The following CCNO variants were observed in gnomAD, a reference collection of about 807,000 sequenced individuals.
CCNO encodes cyclin-O.
In CCNO, 24 loss-of-function variants were observed where a neutral mutation model predicts 23.9. The ratio of observed to expected loss-of-function variants is 1.00; its 90% CI spans 0.73 to 1.41. The LOEUF is 1.41. Ranked by LOEUF, CCNO falls within the 40% of genes most tolerant of loss-of-function variation. CCNO has a pLI of 0.00. For missense variants in CCNO, 542 were observed against 476.2 expected, an observed-to-expected ratio of 1.14 and a Z score of -1.29; for synonymous variants, 241 against 225.7, an observed-to-expected ratio of 1.07 and a Z score of -0.61.
rs201370811 is a variant in CCNO, at chr5:55,232,400, C to G, written c.528G>C (p.Gln176His). 6.2e-7 allele frequency: 1 copy of G among 1,613,980 alleles called. No homozygotes were observed. Among genetic ancestry groups the G allele is most frequent in the African/African-American group, 1.3e-5 (1 of 75,038 alleles). Residue 176 changes from glutamine to histidine, a missense_variant, in exon 2 of 3, where the codon CAG becomes CAC. Transcript: ENST00000282572. ...TGAGCAAGGAGGTGACCCCAAGCAG[C>G]TGGAAGCAGTCTGCAGCCACCGGCG... ...TTTPVAADCF[Q>H]LLGVTSLLIA...
In CCNO at chr5:55,231,189, A is replaced by G. The variant is rs1745560094; in HGVS notation, c.*186T>C. ...ACAACTGTTTATTGGTGAAAGACTCAGCTTCCTCATGTGCTCGCTGCAAAA... is the reference window on the plus strand; with the variant it reads ...ACAACTGTTTATTGGTGAAAGACTCGGCTTCCTCATGTGCTCGCTGCAAAA... On this transcript the variant is annotated 3_prime_UTR_variant, in exon 3 of 3. Coordinates refer to ENST00000282572, the MANE Select transcript of CCNO (RefSeq NM_021147.5). 1 of 643,748 alleles carries G rather than the reference A, an allele frequency of 1.6e-6. No individual in the cohort carries two copies. The highest frequency in any genetic ancestry group is 2.7e-6 in the Non-Finnish European group (1 of 371,032). 39.9% of individuals were successfully genotyped at this position (643,748 alleles called of 1,614,324 possible). A position where few individuals can be genotyped will look rare whatever the true frequency, so the allele number is the denominator to read the frequency against.
chr5:55,232,550 C>A lies in CCNO; in HGVS notation c.382-4G>T. 1 of 1,613,198 alleles carries A rather than the reference C, an allele frequency of 6.2e-7. No homozygotes were observed. The highest frequency in any genetic ancestry group is 8.5e-7 in the Non-Finnish European group (1 of 1,179,910). On this transcript the variant is annotated splice_polypyrimidine_tract_variant and splice_region_variant and intron_variant, in intron 1 of 2. Transcript: ENST00000282572. Reference sequence around the variant, plus strand: ...TACAGCGGGATTCCGCCGTCACCTGCCGGGAAGGAGGGGGGAGGCGGGCCC... The same window carrying A: ...TACAGCGGGATTCCGCCGTCACCTGACGGGAAGGAGGGGGGAGGCGGGCCC...
In CCNO at chr5:55,231,378, T is replaced by C. The variant is rs1356843677; in HGVS notation, c.1050A>G (p.Lys350=). Reference sequence around the variant, plus strand: ...AAAAGGAAACGAAGGATCTGTTTTATTTCGAGCTCGGGGGCAGGCTGCACT... The same window carrying C: ...AAAAGGAAACGAAGGATCTGTTTTACTTCGAGCTCGGGGGCAGGCTGCACT... The part of the protein sequence containing the change: ...CEKCSLPPSS[K] Residue 350 remains lysine, a synonymous_variant, in exon 3 of 3, where the codon AAA becomes AAG. Coordinates refer to ENST00000282572, the MANE Select transcript of CCNO (RefSeq NM_021147.5). 1.9e-6 allele frequency: 3 copies of C among 1,613,666 alleles called. No homozygotes were observed. The highest frequency in any genetic ancestry group is 3.3e-4 in the Middle Eastern group (2 of 6,062).
In CCNO at chr5:55,233,135, C is replaced by A. The variant is rs757379260; in HGVS notation, c.381+8G>T. 2 of 1,540,702 alleles carry A rather than the reference C, an allele frequency of 1.3e-6. No homozygotes were observed. The highest frequency in any genetic ancestry group is 1.2e-5 in the South Asian group (1 of 83,914). On this transcript the variant is annotated splice_region_variant and intron_variant, in intron 1 of 2. Transcript: ENST00000282572. ...GGCGGCGTGGAGCTGGCTCTACCAG[C>A]ACCTCACTTGTGGCTGCCGTGCCAG... is the stretch of plus-strand genomic sequence containing the variant.
At chr5:55,232,018 G>C (rs770266963) in intron 2 of CCNO, among the ~76,000 whole-genome samples, 158 bp from the exon 3 acceptor site, 29 of 151,928 alleles carry the variant, frequency 1.9e-4, no homozygotes, top group Non-Finnish European at 3.2e-4. Context: ...TACTTCCAGC[G>C]CAGTTGATCT....
chr5:55,232,691 G>A, intron 1 of CCNO, 145 bp from the exon 2 acceptor site: 2 of 773,388 alleles, frequency 2.6e-6, no homozygotes, highest in Middle Eastern at 3.7e-4. Context: ...TGGAAACTGG[G>A]AAACGCGTGG....
rs1413884536 is a variant in CCNO at position 55,231,501 on chromosome 5, C to T, written c.927G>A (p.Pro309=). ...CCATACAGTCCTCCAGCGCCGCCTC[C>T]GGGTGGTCTCCCAGTCGCAAGTCCA... ...RPVDLRLGDH[P]EAALEDCMGK... The change falls in exon 3 of 3, where the codon CCG becomes CCA. Residue 309 remains proline (P), a synonymous_variant. Transcript: ENST00000282572. The T allele has an allele frequency of 1.2e-6, 2 of 1,613,774 alleles. No individual in the cohort carries two copies. Among genetic ancestry groups the T allele is most frequent in the African/African-American group, 2.7e-5 (2 of 74,954 alleles).
intron 1 of CCNO, 135 bp from the exon 2 acceptor site, chr5:55,232,681 T>C (rs1745627419): frequency 1.2e-6 from 1 of 839,824 alleles, no homozygotes; most frequent in African/African-American, 1.7e-5. Flanking sequence ...AGAAACGCAA[T>C]GGAAACTGGG....
intron 2 of CCNO, 51 bp from the exon 3 acceptor site, chr5:55,231,911 G>T: frequency 6.8e-7 from 1 of 1,479,902 alleles, no homozygotes; most frequent in Non-Finnish European, 8.9e-7. Context: ...CGGGCCCCAG[G>T]CCCACCCCAG....
rs1470879665 is a variant in CCNO, at chr5:55,233,227, G to A, written c.297C>T (p.Arg99=). Residue 99 remains arginine, a synonymous_variant, in exon 1 of 3, where the codon CGC becomes CGT. Transcript: ENST00000282572. ...PVAQLDLQTF[R]DYGQSCYAFR... is the part of the protein sequence containing the mutation. ...AGGCGTAGCAGCTCTGGCCGTAGTC[G>A]CGGAAGGTCTGTAGATCTAGCTGCG... 1.9e-6 allele frequency: 3 copies of A among 1,577,872 alleles called. No homozygotes were observed. Among genetic ancestry groups the A allele is most frequent in the Non-Finnish European group, 2.6e-6 (3 of 1,164,250 alleles).
intron 1 of CCNO, 122 bp from the exon 2 acceptor site, chr5:55,232,668 AAG>A (rs1415124088): frequency 2.2e-6 from 2 of 924,998 alleles, no homozygotes; most frequent in Non-Finnish European, 3.3e-6. Context: ...AGATTTCAGA[AAG>A]AGAAACGCAA....
At chr5:55,232,857 C>A in intron 1 of CCNO, 1 of 586,900 alleles carries the variant, frequency 1.7e-6, no homozygotes, top group Admixed American at 3.0e-5. Context: ...ATAACTTGCC[C>A]GAGTTCGGTA....
At position 55,231,780 on chromosome 5, in the gene CCNO, G is replaced by T; in HGVS notation, c.648C>A (p.Leu216=). 6.4e-7 allele frequency: 1 copy of T among 1,562,638 alleles called. No individual in the cohort carries two copies. Among genetic ancestry groups the T allele is most frequent in the Non-Finnish European group, 8.7e-7 (1 of 1,154,256 alleles). The change falls in exon 3 of 3, where the codon CTC becomes CTA. Residue 216 remains leucine (L), a synonymous_variant. Transcript: ENST00000282572. ...GAFSRQQLCN[L]ECIVLHKLHF... ...GCAGCTTGTGCAGCACGATGCACTCGAGGTTGCAGAGCTGCTGCCGGGAGA... is the reference window on the plus strand; with the variant it reads ...GCAGCTTGTGCAGCACGATGCACTCTAGGTTGCAGAGCTGCTGCCGGGAGA...
At position 55,231,332 on chromosome 5, in the gene CCNO, C is replaced by G. The variant is rs1164693148; in HGVS notation, c.*43G>C. 6.2e-7 allele frequency: 1 copy of G among 1,602,868 alleles called. No individual in the cohort carries two copies. The highest frequency in any genetic ancestry group is 1.7e-5 in the Admixed American group (1 of 59,668). ...ACTCTTCTGAGGCTACGGGAGAGGT[C>G]CAGCAGCCGGGCCAGGGACTAAAAG... is the stretch of plus-strand genomic sequence containing the variant. On this transcript the variant is annotated 3_prime_UTR_variant, in exon 3 of 3. Coordinates refer to ENST00000282572, the MANE Select transcript of CCNO (RefSeq NM_021147.5).
intron 1 of CCNO, 172 bp downstream of exon 1, chr5:55,232,971 A>T: frequency 1.5e-6 from 1 of 681,490 alleles, no homozygotes; most frequent in South Asian, 2.0e-5. Flanking sequence ...ACTTTTCTCC[A>T]TCTGTAAAAT....
chr5:55,231,836 T>A lies in CCNO; in HGVS notation c.592A>T (p.Lys198Ter). The change falls in exon 3 of 3, where the codon AAG becomes TAG. Residue 198 changes from lysine (K) to a stop codon, truncating the protein, a stop_gained. Transcript: ENST00000282572. LOFTEE classifies it high-confidence loss of function. ...KQVEVHPPRV[K>*]QLLALCCGAF... ...CCGCAGCAGAGGGCCAGAAGCTGCT[T>A]CACGCGCGGCGGGTGCACCTCCACC... The A allele has an allele frequency of 1.3e-6, 2 of 1,545,658 alleles. No individual in the cohort carries two copies. Among genetic ancestry groups the A allele is most frequent in the Non-Finnish European group, 1.7e-6 (2 of 1,144,038 alleles).
At chr5:55,233,041 G>T (rs1745640221) in intron 1 of CCNO, 102 bp downstream of exon 1, 4 of 1,296,266 alleles carry the variant, frequency 3.1e-6, no homozygotes, top group Non-Finnish European at 4.2e-6. Context: ...GACCTGGGCT[G>T]TCGCGGGCCC....
chr5:55,231,259 G>A lies in CCNO; in HGVS notation c.*116C>T. On this transcript the variant is annotated 3_prime_UTR_variant, in exon 3 of 3. Transcript: ENST00000282572. ...TAGTATCGTACACTATTTACAACCTGCAGCTGACCAAGCAGGTCCTGAAGC... is the reference window on the plus strand; with the variant it reads ...TAGTATCGTACACTATTTACAACCTACAGCTGACCAAGCAGGTCCTGAAGC... 1 of 1,171,704 alleles carries A rather than the reference G, an allele frequency of 8.5e-7. No homozygotes were observed. The highest frequency in any genetic ancestry group is 1.2e-6 in the Non-Finnish European group (1 of 815,624). The allele number at this position is 1,171,704 out of a possible 1,614,324, so 72.6% of individuals were successfully genotyped here.
intron 2 of CCNO, among the ~76,000 whole-genome samples, chr5:55,232,151 C>T (rs2111716849): frequency 6.6e-6 from 1 of 152,264 alleles, no homozygotes; most frequent in Non-Finnish European, 1.5e-5. Context: ...TAGGCTATTT[C>T]TTTGGAAGCC....
Sources: allele counts gnomAD v4.1 joint callset (sites outside exome capture counted in the v4.1 genomes callset), GRCh38; gene constraint gnomAD v4.1.1; transcripts MANE v1.5; gene names NCBI Gene and HGNC (gene_info 2026-07-23, HGNC 2026-07-21).